TRA2A: variants seen among roughly 807,000 people sequenced by gnomAD.
The protein encoded by TRA2A is transformer-2 protein homolog alpha.
A neutral mutation model predicts 45.7 loss-of-function variants in TRA2A; 31 were observed. The ratio of observed to expected loss-of-function variants is 0.68; its 90% CI spans 0.51 to 0.92. The LOEUF is 0.92. Ranked by LOEUF, TRA2A falls within the 40% of genes least tolerant of loss-of-function variation. The probability of loss-of-function intolerance (pLI) is 0.00; values close to 1 mark genes in which losing one functional copy is unlikely to be tolerated. For missense variants in TRA2A, 304 were observed against 367.5 expected, an observed-to-expected ratio of 0.83 and a Z score of 1.41; for synonymous variants, 132 against 126.2, an observed-to-expected ratio of 1.05 and a Z score of -0.31.
intron 3 of TRA2A, among the ~76,000 whole-genome samples, chr7:23,514,885 T>C (rs761098647): frequency 1.3e-5 from 2 of 152,202 alleles, no homozygotes; most frequent in African/African-American, 2.4e-5. Context: ...TAGTATCCTG[T>C]GGGAGAAGCA....
At chr7:23,510,603 C>G (rs1248382609) in intron 4 of TRA2A, among the ~76,000 whole-genome samples, 1 of 152,090 alleles carries the variant, frequency 6.6e-6, no homozygotes, top group East Asian at 1.9e-4. Flanking sequence ...GCTGGGATTA[C>G]AAGGTGCGAG....
At chr7:23,506,105 A>G in intron 6 of TRA2A, 33 bp downstream of exon 6, 1 of 1,573,714 alleles carries the variant, frequency 6.4e-7, no homozygotes, top group Non-Finnish European at 8.7e-7. Flanking sequence ...CTATCATCTA[A>G]TTTAGAACAG....
chr7:23,516,552 A>G, intron 2 of TRA2A, 24 bp from the exon 3 acceptor site: 1 of 1,609,968 alleles, frequency 6.2e-7, no homozygotes, highest in South Asian at 1.1e-5. Flanking sequence ...ACATTTAGGT[A>G]AAAATACTGA....
At chr7:23,518,717 C>CT (rs1356406089) in intron 2 of TRA2A, among the ~76,000 whole-genome samples, 1 of 149,376 alleles carries the variant, frequency 6.7e-6, no homozygotes. Flanking sequence ...GAATCTCACT[C>CT]TGTCACCCAG....
At chr7:23,511,475 AAT>A (rs781688888) in intron 4 of TRA2A, among the ~76,000 whole-genome samples, 1 of 150,224 alleles carries the variant, frequency 6.7e-6, no homozygotes, top group African/African-American at 2.4e-5. Context: ...GATATATACA[AAT>A]ATATATATAT....
chr7:23,521,215 G>A (rs1438106911), intron 2 of TRA2A, among the ~76,000 whole-genome samples: 1 of 152,098 alleles, frequency 6.6e-6, no homozygotes, highest in Non-Finnish European at 1.5e-5. Context: ...CTTCTCAATC[G>A]TTCTGACCAA....
At chr7:23,528,352 C>T (rs374004379) in intron 1 of TRA2A, among the ~76,000 whole-genome samples, 1 of 151,924 alleles carries the variant, frequency 6.6e-6, no homozygotes, top group East Asian at 2.0e-4. Context: ...GGACTACAGA[C>T]GCGCGCCACC....
intron 1 of TRA2A, chr7:23,522,117 A>T: frequency 7.9e-7 from 1 of 1,272,780 alleles, no homozygotes; most frequent in Non-Finnish European, 1.0e-6. Flanking sequence ...AACATAAACC[A>T]TACATTTACT....
chr7:23,507,365 T>C, intron 5 of TRA2A, 55 bp downstream of exon 5: 1 of 1,429,344 alleles, frequency 7.0e-7, no homozygotes, highest in Non-Finnish European at 9.8e-7. Context: ...AATCAAAATT[T>C]TGCACATATT....
intron 5 of TRA2A, 61 bp from the exon 6 acceptor site, chr7:23,506,327 T>G (rs2127990262): frequency 1.6e-5 from 23 of 1,456,786 alleles, no homozygotes; most frequent in Non-Finnish European, 2.1e-5. Flanking sequence ...GACACTTTAA[T>G]ACAAATTGAA....
rs1310932997 is a variant in TRA2A, at chr7:23,531,801, G to A, written c.24C>T (p.Asn8=). ...GCTTTGTACTCACTCTGCCCTCGAA[G>A]TTGTTTTCCTCCACATCACTCATGT... is the stretch of plus-strand genomic sequence containing the variant. MSDVEEN[N]FEGRESRSQS... is the part of the protein sequence containing the mutation. Residue 8 remains asparagine, a synonymous_variant, in exon 1 of 8, where the codon AAC becomes AAT. Transcript: ENST00000297071. 2.5e-6 allele frequency: 4 copies of A among 1,613,754 alleles called. No homozygotes were observed. The highest frequency in any genetic ancestry group is 1.1e-5 in the South Asian group (1 of 91,086).
At chr7:23,505,914 G>A (rs1789313925) in intron 6 of TRA2A, 101 bp from the exon 7 acceptor site, 2 of 767,420 alleles carry the variant, frequency 2.6e-6, no homozygotes, top group South Asian at 2.4e-5. Flanking sequence ...TGTACCTAAG[G>A]TGATAACTAC....
chr7:23,529,977 T>G (rs531133318), intron 1 of TRA2A, among the ~76,000 whole-genome samples: 1 of 151,674 alleles, frequency 6.6e-6, no homozygotes, highest in Non-Finnish European at 1.5e-5. Flanking sequence ...TTCCTAGACT[T>G]GATGATAAAT....
intron 2 of TRA2A, among the ~76,000 whole-genome samples, chr7:23,518,378 T>C (rs966424700): frequency 4.0e-5 from 6 of 150,120 alleles, no homozygotes; most frequent in Non-Finnish European, 8.9e-5. Flanking sequence ...GTCTCACTTC[T>C]TCACCCAGGC....
At chr7:23,531,514 G>C in intron 1 of TRA2A, 1 of 556,736 alleles carries the variant, frequency 1.8e-6, no homozygotes. Flanking sequence ...CTCAGGGGTG[G>C]GGAGAAGGGA....
At chr7:23,525,457 T>TA (rs559544029) in intron 1 of TRA2A, among the ~76,000 whole-genome samples, 3 of 152,210 alleles carry the variant, frequency 2.0e-5, no homozygotes, top group Non-Finnish European at 4.4e-5. Flanking sequence ...CTGCCCGGTT[T>TA]AAATGGGCAG....
At chr7:23,528,270 C>T (rs991338302) in intron 1 of TRA2A, among the ~76,000 whole-genome samples, 1 of 151,124 alleles carries the variant, frequency 6.6e-6, no homozygotes, top group African/African-American at 2.4e-5. Flanking sequence ...AGTGCAGTGG[C>T]CGACCTCGGC....
At chr7:23,518,877 G>A (rs908743974) in intron 2 of TRA2A, among the ~76,000 whole-genome samples, 1 of 151,810 alleles carries the variant, frequency 6.6e-6, no homozygotes, top group African/African-American at 2.4e-5. Context: ...AGTAGAGACG[G>A]GGTCTCAACA....
At chr7:23,522,209 G>C in intron 1 of TRA2A, 1 of 1,120,818 alleles carries the variant, frequency 8.9e-7, no homozygotes. Context: ...TCTTCATTGA[G>C]TTTTTCATTT....
Sources: gnomAD v4.1 joint callset for allele counts (sites outside exome capture counted in the v4.1 genomes callset) on GRCh38, gnomAD v4.1.1 for gene constraint, MANE v1.5 for transcripts, NCBI Gene and HGNC (gene_info 2026-07-23, HGNC 2026-07-21) for gene names.